SULT2B1: variants seen among roughly 807,000 people sequenced by gnomAD.
SULT2B1 encodes sulfotransferase family 2B member 1.
A neutral mutation model predicts 33.2 loss-of-function variants in SULT2B1; 16 were observed. That is an observed-to-expected ratio of 0.48 (90% CI 0.33 to 0.73). The LOEUF (loss-of-function observed/expected upper bound fraction) is 0.73, where lower values mean the gene tolerates loss of function less well. Ranked by LOEUF, SULT2B1 falls within the 30% of genes least tolerant of loss-of-function variation. The pLI is 0.02. For synonymous variants in SULT2B1, 186 were observed against 200.5 expected (o/e 0.93, Z 0.61); for missense variants, 500 against 506.0 (o/e 0.99, Z 0.11).
intron 1 of SULT2B1, among the ~76,000 whole-genome samples, chr19:48,574,393 G>T (rs1212833239): frequency 6.6e-6 from 1 of 152,236 alleles, no homozygotes; most frequent in Non-Finnish European, 1.5e-5. Context: ...TTTGGAGATT[G>T]TAGGTGCCAA....
At chr19:48,576,600 GT>G (rs1340819648) in intron 2 of SULT2B1, among the ~76,000 whole-genome samples, 1 of 149,228 alleles carries the variant, frequency 6.7e-6, no homozygotes, top group Non-Finnish European at 1.5e-5. Flanking sequence ...GCCTCCCAAA[GT>G]GCTGGGACTA....
chr19:48,561,973 G>A (rs970807388), intron 1 of SULT2B1, among the ~76,000 whole-genome samples: 7 of 151,420 alleles, frequency 4.6e-5, no homozygotes, highest in African/African-American at 9.7e-5. Flanking sequence ...ATAATTAGCC[G>A]GGCTCATTGC....
At chr19:48,566,652 G>A (rs1045939094) in intron 1 of SULT2B1, among the ~76,000 whole-genome samples, 12 of 151,916 alleles carry the variant, frequency 7.9e-5, no homozygotes, top group African/African-American at 2.9e-4. Context: ...GACCAGCCTG[G>A]GCAACATGGT....
At chr19:48,575,103 T>A (rs1258086425) in intron 1 of SULT2B1, among the ~76,000 whole-genome samples, 1 of 33,866 alleles carries the variant, frequency 3.0e-5, no homozygotes, top group African/African-American at 1.4e-4. Flanking sequence ...TTTTAACCTT[T>A]TTTTTTTTTT....
At chr19:48,590,185 C>T (rs1973625993) in intron 3 of SULT2B1, among the ~76,000 whole-genome samples, 1 of 151,882 alleles carries the variant, frequency 6.6e-6, no homozygotes, top group Admixed American at 6.6e-5. Flanking sequence ...GACGGGGTTT[C>T]ACCATGTTGA....
rs1269542635 is a variant in SULT2B1, at chr19:48,553,588, CAGGCGTGGGCCA to C, written c.71+1266_71+1277del. ...TCGGCCTCCCAAAGTGCTGGGATTA[CAGGCGTGGGCCA>C]CCACGCCTGGCCGCCTCATTTCATT... is the stretch of plus-strand genomic sequence containing the variant. On this transcript the variant is annotated intron_variant, in intron 1 of 6. Transcript: ENST00000201586. Among the ~76,000 whole-genome samples, 76 of 152,322 alleles carry C rather than the reference CAGGCGTGGGCCA, an allele frequency of 5.0e-4. No homozygotes were observed. The Middle Eastern group carries it at 0.01, about 20-fold the overall frequency.
At chr19:48,567,542 T>C (rs2544801) in intron 1 of SULT2B1, among the ~76,000 whole-genome samples, 20,516 of 152,074 alleles carry the variant, frequency 0.13, 1,518 homozygotes, top group African/African-American at 0.18. Flanking sequence ...AGCGAGACTC[T>C]GTCTCAACAA....
intron 6 of SULT2B1, among the ~76,000 whole-genome samples, chr19:48,598,066 C>T (rs1330927641): frequency 6.6e-6 from 1 of 152,112 alleles, no homozygotes; most frequent in Non-Finnish European, 1.5e-5. Context: ...CTGCAAAATC[C>T]CTTTTGCCAC....
chr19:48,575,417 T>C (rs1455324637), intron 1 of SULT2B1: 3 of 148,714 alleles, frequency 2.0e-5, no homozygotes, highest in Admixed American at 1.4e-4. Flanking sequence ...GGACAACAGG[T>C]GTGAGCCACC....
intron 1 of SULT2B1, among the ~76,000 whole-genome samples, chr19:48,573,077 A>T (rs1973350961): frequency 6.6e-6 from 1 of 151,420 alleles, no homozygotes; most frequent in African/African-American, 2.4e-5. Flanking sequence ...GAATCGCTTG[A>T]ACTTGGAAGG....
At chr19:48,563,161 C>T (rs182656877) in intron 1 of SULT2B1, among the ~76,000 whole-genome samples, 6 of 152,094 alleles carry the variant, frequency 3.9e-5, no homozygotes, top group African/African-American at 7.2e-5. Context: ...GCCATTCTCC[C>T]GCCTTGGCTT....
intron 2 of SULT2B1, among the ~76,000 whole-genome samples, chr19:48,580,695 T>C (rs1973474594): frequency 6.6e-6 from 1 of 151,934 alleles, no homozygotes; most frequent in Non-Finnish European, 1.5e-5. Context: ...GGCTGAAGTG[T>C]AGTGGGAAGA....
At chr19:48,572,894 T>C (rs998597693) in intron 1 of SULT2B1, among the ~76,000 whole-genome samples, 5 of 151,984 alleles carry the variant, frequency 3.3e-5, no homozygotes, top group African/African-American at 1.2e-4. Context: ...CGGTGGCTCA[T>C]GCCTGGAATT....
chr19:48,576,359 C>CTTTTCTTTCTTTTTTTTTTTTTTT lies in SULT2B1; in HGVS notation c.214+280_214+281insCTTTCTTTTTTTTTTTTTTTTTTT. 6.0e-3 allele frequency among the ~76,000 whole-genome samples: 580 copies of CTTTTCTTTCTTTTTTTTTTTTTTT among 96,622 alleles called. 74 individuals are homozygous for CTTTTCTTTCTTTTTTTTTTTTTTT. The highest frequency in any genetic ancestry group is 0.018 in the African/African-American group (424 of 23,252). 63.4% of individuals were successfully genotyped at this position (96,622 alleles called of 152,430 possible). ...CCTTTCCCCTTTACCCTCTACTTCT[C>CTTTTCTTTCTTTTTTTTTTTTTTT]TTTTTTTTTTTTTTTTTTGTAGAGA... is the stretch of plus-strand genomic sequence containing the variant. On this transcript the variant is annotated intron_variant, in intron 2 of 6. Transcript: ENST00000201586.
At chr19:48,575,759 G>A (rs1973396672) in intron 1 of SULT2B1, 182 bp from the exon 2 acceptor site, 1 of 1,091,532 alleles carries the variant, frequency 9.2e-7, no homozygotes, top group African/African-American at 1.6e-5. Flanking sequence ...GGGATTACAG[G>A]AGTGTGCCAC....
chr19:48,569,356 AAAAAAACATATATAT>A (rs1973287025), intron 1 of SULT2B1, among the ~76,000 whole-genome samples: 1 of 93,150 alleles, frequency 1.1e-5, no homozygotes, highest in Admixed American at 1.3e-4. Flanking sequence ...AAAAAAAAAA[AAAAAAACATATATAT>A]ATATATATAT....
chr19:48,581,393 C>T (rs932028525), intron 2 of SULT2B1, among the ~76,000 whole-genome samples: 4 of 150,612 alleles, frequency 2.7e-5, no homozygotes, highest in Non-Finnish European at 5.9e-5. Flanking sequence ...TTGAAGCTCA[C>T]AAATGTATTA....
At chr19:48,596,962 G>A (rs780659441) in intron 6 of SULT2B1, 43 bp downstream of exon 6, 21 of 1,519,232 alleles carry the variant, frequency 1.4e-5, no homozygotes, top group South Asian at 6.1e-5. Context: ...GCCACTGCCC[G>A]GCTGTGTGAC....
intron 1 of SULT2B1, among the ~76,000 whole-genome samples, chr19:48,567,856 G>T (rs1973265570): frequency 6.6e-6 from 1 of 151,870 alleles, no homozygotes; most frequent in African/African-American, 2.4e-5. Context: ...TGTAGTCCCA[G>T]CTACTCAGGA....
Sources: gnomAD v4.1 joint callset for allele counts (sites outside exome capture counted in the v4.1 genomes callset) on GRCh38, gnomAD v4.1.1 for gene constraint, MANE v1.5 for transcripts, NCBI Gene and HGNC (gene_info 2026-07-23, HGNC 2026-07-21) for gene names.